TRIOBP: variants seen among roughly 807,000 people sequenced by gnomAD.
TRIOBP encodes TRIO and F-actin-binding protein.
In TRIOBP, 169 loss-of-function variants were observed where a neutral mutation model predicts 238.8. The ratio of observed to expected loss-of-function variants is 0.71; its 90% CI spans 0.62 to 0.80. TRIOBP has a LOEUF of 0.80. Among genes scored for constraint, TRIOBP ranks in the 30% least tolerant of loss-of-function variants. The probability of loss-of-function intolerance (pLI) is 0.00; values close to 1 mark genes in which losing one functional copy is unlikely to be tolerated. For missense variants in TRIOBP, 2,838 were observed against 3,122.6 expected (o/e 0.91, Z 2.17); for synonymous variants, 1,150 against 1,274.4 (o/e 0.90, Z 2.08).
chr22:37,709,891 G>A (rs563165866), intron 3 of TRIOBP, among the ~76,000 whole-genome samples: 1 of 152,292 alleles, frequency 6.6e-6, no homozygotes, highest in East Asian at 1.9e-4. Flanking sequence ...CCAAGACCTT[G>A]CTTTCCCATC....
In TRIOBP at chr22:37,708,064, G is replaced by A. The variant is rs942060965; in HGVS notation, c.115-2363G>A. 9.3e-5 allele frequency among the ~76,000 whole-genome samples: 14 copies of A among 150,696 alleles called. 1 individual carries two copies. The highest frequency in any genetic ancestry group is 6.8e-3 in the Middle Eastern group (2 of 292). ...GATCGAGACCATCCTGGCTAACACG[G>A]TGAAACCCTGTCTCTACTAAAAATA... is the stretch of plus-strand genomic sequence containing the variant. On this transcript the variant is annotated intron_variant, in intron 3 of 23. Transcript: ENST00000644935.
Position 37,735,120 on chromosome 22 carries a change from G to T in TRIOBP, c.4784G>T (p.Arg1595Leu). ...LLELLQARLPRKDPAGHRDDL... is the reference protein window; with the variant it reads ...LLELLQARLPLKDPAGHRDDL... ...GAGCTCCTGCAGGCCAGGCTGCCCC[G>T]CAAGGACCCAGCTGGACACAGGGAT... Residue 1595 changes from arginine (R) to leucine (L), a missense_variant, in exon 9 of 24, where the codon CGC becomes CTC. By Grantham distance (102) the Arg-to-Leu change is moderately radical (BLOSUM62 -2). Coordinates refer to ENST00000644935, the MANE Select transcript of TRIOBP (RefSeq NM_001039141.3). The T allele has an allele frequency of 1.2e-6, 2 of 1,608,912 alleles. No individual in the cohort carries two copies. The highest frequency in any genetic ancestry group is 1.1e-5 in the South Asian group (1 of 90,998).
chr22:37,727,475 T>C (rs957482587), intron 7 of TRIOBP, among the ~76,000 whole-genome samples: 37 of 151,868 alleles, frequency 2.4e-4, no homozygotes, highest in African/African-American at 8.7e-4. Context: ...GACAGCAGCC[T>C]GGCTAACACG....
In TRIOBP at chr22:37,725,196, A is replaced by G; in HGVS notation, c.2640A>G (p.Pro880=). 4 of 1,614,038 alleles carry G rather than the reference A, an allele frequency of 2.5e-6. No individual in the cohort carries two copies. Among genetic ancestry groups the G allele is most frequent in the Non-Finnish European group, 3.4e-6 (4 of 1,180,004 alleles). ...GCACCCAAAAGGAGAATCTGAGACC[A>G]TCATCTCCCCACCGCTCCACTCAAT... ...QCCTQKENLR[P]SSPHRSTQWN... The change falls in exon 7 of 24, where the codon CCA becomes CCG. Residue 880 remains proline (P), a synonymous_variant. Coordinates refer to ENST00000644935, the MANE Select transcript of TRIOBP (RefSeq NM_001039141.3).
rs932406836 is a variant in TRIOBP, at chr22:37,768,114, C to T, written c.6513C>T (p.Ser2171=). 1.8e-5 allele frequency: 29 copies of T among 1,613,564 alleles called. No individual in the cohort carries two copies. The highest frequency in any genetic ancestry group is 2.4e-5 in the Non-Finnish European group (28 of 1,179,770). The change falls in exon 19 of 24, where the codon AGC becomes AGT. Residue 2171 remains serine, a synonymous_variant. Coordinates refer to ENST00000644935, the MANE Select transcript of TRIOBP (RefSeq NM_001039141.3). ...AMKKAYQEEL[S]RELSKTRSLQ... ...AGAAGGCCTACCAGGAAGAGCTGAG[C>T]CGAGAGCTGAGCAAAACACGGAGTC... is the stretch of plus-strand genomic sequence containing the variant.
intron 17 of TRIOBP, among the ~76,000 whole-genome samples, chr22:37,761,558 G>GCCA (rs985266169): frequency 3.3e-5 from 5 of 152,196 alleles, no homozygotes; most frequent in African/African-American, 1.2e-4. Context: ...AGTGGAGGGG[G>GCCA]CTTGGGAGAG....
At chr22:37,729,841 T>A (rs1924339293) in intron 7 of TRIOBP, among the ~76,000 whole-genome samples, 1 of 152,256 alleles carries the variant, frequency 6.6e-6, no homozygotes, top group Non-Finnish European at 1.5e-5. Context: ...CCTCTGAATA[T>A]GGAAAATTTT....
intron 12 of TRIOBP, 64 bp from the exon 13 acceptor site, chr22:37,754,813 G>C (rs777240789): frequency 2.0e-6 from 3 of 1,533,540 alleles, no homozygotes; most frequent in Non-Finnish European, 2.7e-6. Context: ...TAGTGAGTTT[G>C]GCAGCCACAC....
intron 5 of TRIOBP, 68 bp from the exon 6 acceptor site, chr22:37,715,695 T>G: frequency 6.4e-7 from 1 of 1,550,660 alleles, no homozygotes; most frequent in Non-Finnish European, 8.8e-7. Context: ...CCCCTCTCAT[T>G]TGGAGAGTAT....
intron 21 of TRIOBP, among the ~76,000 whole-genome samples, chr22:37,770,768 C>T (rs1321294759): frequency 3.3e-5 from 5 of 150,324 alleles, no homozygotes; most frequent in Non-Finnish European, 5.9e-5. Context: ...CTGCAAGCTC[C>T]GCCTCTCGGG....
At chr22:37,752,318 G>A (rs1251802520) in intron 12 of TRIOBP, among the ~76,000 whole-genome samples, 2 of 152,230 alleles carry the variant, frequency 1.3e-5, no homozygotes, top group Non-Finnish European at 2.9e-5. Context: ...TCTTTCTAGA[G>A]TGGATAACAA....
intron 4 of TRIOBP, among the ~76,000 whole-genome samples, chr22:37,710,868 C>A (rs1160905228): frequency 6.6e-6 from 1 of 152,210 alleles, no homozygotes; most frequent in Non-Finnish European, 1.5e-5. Flanking sequence ...TCAGCTTTGC[C>A]CCAGGGTGTG....
intron 6 of TRIOBP, among the ~76,000 whole-genome samples, chr22:37,720,217 C>A (rs1037507122): frequency 1.3e-5 from 2 of 152,038 alleles, no homozygotes; most frequent in Non-Finnish European, 2.9e-5. Context: ...CCATGTTGGT[C>A]AGGCTGGTCT....
At chr22:37,718,849 T>G (rs1315735045) in intron 6 of TRIOBP, among the ~76,000 whole-genome samples, 2 of 145,110 alleles carry the variant, frequency 1.4e-5, no homozygotes, top group East Asian at 2.1e-4. Flanking sequence ...GCTTGTTTTT[T>G]TTTTTTTTTT....
intron 6 of TRIOBP, among the ~76,000 whole-genome samples, chr22:37,722,699 C>T (rs1288747213): frequency 6.6e-6 from 1 of 152,210 alleles, no homozygotes; most frequent in African/African-American, 2.4e-5. Flanking sequence ...TGCACTCCAG[C>T]CTGGGCGACA....
At chr22:37,769,396 C>A in intron 21 of TRIOBP, 21 bp downstream of exon 21, 1 of 1,570,542 alleles carries the variant, frequency 6.4e-7, no homozygotes, top group Admixed American at 1.8e-5. Context: ...TCACTAGCAC[C>A]AGGCAGCCCA....
At chr22:37,733,562 C>G in intron 8 of TRIOBP, 150 bp downstream of exon 8, 1 of 661,470 alleles carries the variant, frequency 1.5e-6, no homozygotes, top group Non-Finnish European at 2.7e-6. Context: ...CTCCCCTCTC[C>G]CCAACGGCCA....
At chr22:37,729,410 C>T (rs1924321465) in intron 7 of TRIOBP, among the ~76,000 whole-genome samples, 1 of 151,858 alleles carries the variant, frequency 6.6e-6, no homozygotes, top group African/African-American at 2.4e-5. Flanking sequence ...GAGATGGAGT[C>T]TCACTTTGTT....
In TRIOBP at chr22:37,725,921, C is replaced by T. The variant is rs1924125493; in HGVS notation, c.3365C>T (p.Ala1122Val). 22 of 1,613,760 alleles carry T rather than the reference C, an allele frequency of 1.4e-5. No individual in the cohort carries two copies. Among genetic ancestry groups the T allele is most frequent in the African/African-American group, 2.7e-5 (2 of 74,942 alleles). ...ATTGGGTACCGAGATGCACCCCGGG[C>T]CTCCTCCCCACCACGCCAGGCCCCA... Reference protein sequence around the residue: ...VCIGYRDAPRASSPPRQAPEP... With the variant: ...VCIGYRDAPRVSSPPRQAPEP... The change falls in exon 7 of 24, where the codon GCC becomes GTC. Residue 1122 changes from alanine to valine, a missense_variant. Coordinates refer to ENST00000644935, the MANE Select transcript of TRIOBP (RefSeq NM_001039141.3).
Sources: allele counts gnomAD v4.1 joint callset (sites outside exome capture counted in the v4.1 genomes callset), GRCh38; gene constraint gnomAD v4.1.1; transcripts MANE v1.5; gene names NCBI Gene and HGNC (gene_info 2026-07-23, HGNC 2026-07-21).